ZNF121: variants seen among roughly 807,000 people sequenced by gnomAD.
The protein encoded by ZNF121 is zinc finger protein 121 (clone ZHC32).
Under a neutral mutation model 2.4 loss-of-function variants are expected in ZNF121, and 1 was observed. The observed-to-expected ratio is 0.41, with a 90% CI of 0.15 to 1.94. ZNF121 has a LOEUF of 1.94. Among genes scored for constraint, ZNF121 ranks in the 30% most tolerant of loss-of-function variants. The pLI is 0.30. For missense variants in ZNF121, 369 were observed against 466.3 expected, an observed-to-expected ratio of 0.79 and a Z score of 1.92; for synonymous variants, 173 against 158.6, an observed-to-expected ratio of 1.09 and a Z score of -0.68.
chr19:9,576,617 A>G (rs1470998825), intron 1 of ZNF121, among the ~76,000 whole-genome samples: 2 of 152,296 alleles, frequency 1.3e-5, no homozygotes, highest in Non-Finnish European at 1.5e-5. Flanking sequence ...TCAAAAGGAT[A>G]AAGACCACAG....
At chr19:9,583,565 G>C (rs1217415226) in intron 1 of ZNF121, among the ~76,000 whole-genome samples, 1 of 141,004 alleles carries the variant, frequency 7.1e-6, no homozygotes, top group African/African-American at 2.7e-5. Flanking sequence ...GTGCAGTGGC[G>C]CGATCTCGGC....
intron 1 of ZNF121, among the ~76,000 whole-genome samples, chr19:9,578,980 CA>C (rs746310089): frequency 0.039 from 3,355 of 86,064 alleles, 52 homozygotes; most frequent in Non-Finnish European, 0.052. Context: ...AACTTGATAG[CA>C]AAAAAAAAAA....
In ZNF121 at chr19:9,565,153, T is replaced by C. The variant is rs2074120846; in HGVS notation, c.*787A>G. The C allele has an allele frequency of 1.3e-5, 2 of 151,896 alleles. No homozygotes were observed. Among genetic ancestry groups the C allele is most frequent in the Non-Finnish European group, 2.9e-5 (2 of 68,008 alleles). The allele number at this position is 151,896 out of a possible 1,614,324, so 9.4% of individuals were successfully genotyped here. A position where few individuals can be genotyped will look rare whatever the true frequency, so the allele number is the denominator to read the frequency against. Reference sequence around the variant, plus strand: ...GTAGTCTGGAACAAAACTCACAATATCTACAGGGCATGCCTGTATCTTGTA... The same window carrying C: ...GTAGTCTGGAACAAAACTCACAATACCTACAGGGCATGCCTGTATCTTGTA... On this transcript the variant is annotated 3_prime_UTR_variant, in exon 4 of 4. Transcript: ENST00000320451.
chr19:9,566,865 A>G lies in ZNF121; in HGVS notation c.248T>C (p.Ile83Thr), dbSNP rs1259879455. 6.2e-7 allele frequency: 1 copy of G among 1,614,216 alleles called. No individual in the cohort carries two copies. Among genetic ancestry groups the G allele is most frequent in the Admixed American group, 1.7e-5 (1 of 60,016 alleles). The change falls in exon 4 of 4, where the codon ATA becomes ACA. Residue 83 changes from isoleucine (I) to threonine (T), a missense_variant. Around this residue, in one of 4 missense-constraint regions of ZNF121, gnomAD observed 168 missense variants for 162.3 expected, o/e 1.03. Transcript: ENST00000320451. ...ACTGTATTCAAAGGATTTGTCTCCT[A>G]TCCACGTTCTCTGGTGAACATTTGG... ...LPPNVHQRTW[I>T]GDKSFEYSDC...
rs1027440995 is a variant in ZNF121 at position 9,567,210 on chromosome 19, C to T, written c.4-101G>A. On this transcript the variant is annotated intron_variant, in intron 3 of 3. Transcript: ENST00000320451. Reference sequence around the variant, plus strand: ...CAGTTTATTATGATTATAATTTTTGCCATTTTCATTACATGCATACAGTTG... The same window carrying T: ...CAGTTTATTATGATTATAATTTTTGTCATTTTCATTACATGCATACAGTTG... The T allele has an allele frequency of 1.3e-5, 15 of 1,140,600 alleles. No individual in the cohort carries two copies. The African/African-American group carries it at 2.3e-4, about 18-fold the overall frequency. 70.7% of individuals were successfully genotyped at this position (1,140,600 alleles called of 1,614,324 possible).
rs1336525089 is a variant in ZNF121, at chr19:9,565,866, G to A, written c.*74C>T. On this transcript the variant is annotated 3_prime_UTR_variant, in exon 4 of 4. Transcript: ENST00000320451. ...TACCAATAAAATTTCTCTTCAGTGT[G>A]AATTCAAATGTGGTAATTATGGTAT... is the stretch of plus-strand genomic sequence containing the variant. The A allele has an allele frequency of 8.3e-7, 1 of 1,209,992 alleles. No individual in the cohort carries two copies. Among genetic ancestry groups the A allele is most frequent in the African/African-American group, 1.5e-5 (1 of 64,860 alleles). The allele number at this position is 1,209,992 out of a possible 1,614,324, so 75.0% of individuals were successfully genotyped here. A position where few individuals can be genotyped will look rare whatever the true frequency, so the allele number is the denominator to read the frequency against.
At chr19:9,578,293 C>G (rs1456767763) in intron 1 of ZNF121, among the ~76,000 whole-genome samples, 1 of 151,836 alleles carries the variant, frequency 6.6e-6, no homozygotes, top group East Asian at 1.9e-4. Context: ...ACTAGGGAGG[C>G]TGAGGCAGGA....
chr19:9,571,192 A>T (rs2074171523), intron 1 of ZNF121, among the ~76,000 whole-genome samples: 1 of 152,252 alleles, frequency 6.6e-6, no homozygotes, highest in African/African-American at 2.4e-5. Flanking sequence ...AAAATACCAT[A>T]GAAAATGTAA....
At chr19:9,580,488 GAAAA>G (rs61312088) in intron 1 of ZNF121, among the ~76,000 whole-genome samples, 1 of 131,882 alleles carries the variant, frequency 7.6e-6, no homozygotes, top group Non-Finnish European at 1.7e-5. Context: ...ACTCAAAAAA[GAAAA>G]AAAAAAAAAC....
At chr19:9,569,744 G>T (rs9636201) in intron 1 of ZNF121, among the ~76,000 whole-genome samples, 50,428 of 151,052 alleles carry the variant, frequency 0.33, 9,379 homozygotes, top group East Asian at 0.55. Context: ...CATTGGCCAG[G>T]CTTGTCTTGA....
intron 2 of ZNF121, among the ~76,000 whole-genome samples, chr19:9,568,672 C>T (rs138631852): frequency 1.5e-3 from 229 of 152,038 alleles, no homozygotes; most frequent in African/African-American, 5.3e-3. Context: ...CCATGCCCAG[C>T]AATTTAGTAA....
In ZNF121 at chr19:9,566,860, C is replaced by G; in HGVS notation, c.253G>C (p.Asp85His). The change falls in exon 4 of 4, where the codon GAC (aspartate) becomes CAC (histidine). Residue 85 changes from aspartate (D) to histidine (H), a missense_variant. Transcript: ENST00000320451. ...CAGTCACTGTATTCAAAGGATTTGT[C>G]TCCTATCCACGTTCTCTGGTGAACA... The part of the protein sequence containing the change: ...PNVHQRTWIG[D>H]KSFEYSDCEE... The G allele has an allele frequency of 6.2e-7, 1 of 1,614,178 alleles. No homozygotes were observed. Among genetic ancestry groups the G allele is most frequent in the Non-Finnish European group, 8.5e-7 (1 of 1,180,038 alleles).
chr19:9,560,606 GTTTA>G lies in ZNF121; in HGVS notation c.*5330_*5333del, dbSNP rs2074096076. 1 of 152,154 alleles carries G rather than the reference GTTTA, an allele frequency of 6.6e-6. No homozygotes were observed. The highest frequency in any genetic ancestry group is 1.5e-5 in the Non-Finnish European group (1 of 68,028). The allele number at this position is 152,154 out of a possible 1,614,324, so 9.4% of individuals were successfully genotyped here. A position where few individuals can be genotyped will look rare whatever the true frequency, so the allele number is the denominator to read the frequency against. On this transcript the variant is annotated 3_prime_UTR_variant, in exon 4 of 4. Coordinates refer to ENST00000320451, the MANE Select transcript of ZNF121 (RefSeq NM_001008727.5). ...GGGTGTATTTGTCCTTTCGGAACTG[GTTTA>G]TTTCACTTAGCATAACGTCCATGTT...
At chr19:9,568,044 T>C (rs551157677) in intron 3 of ZNF121, 51 bp downstream of exon 3, 4 of 1,517,912 alleles carry the variant, frequency 2.6e-6, no homozygotes, top group African/African-American at 3.0e-5. Flanking sequence ...TTTTTTATAA[T>C]TGAATCCCAA....
chr19:9,576,171 A>T (rs938598362), intron 1 of ZNF121, among the ~76,000 whole-genome samples: 3 of 152,184 alleles, frequency 2.0e-5, no homozygotes, highest in Non-Finnish European at 4.4e-5. Context: ...CCACAAGGGA[A>T]TAAAACTAGA....
rs1212494320 is a variant in ZNF121 at position 9,563,155 on chromosome 19, C to T, written c.*2785G>A. On this transcript the variant is annotated 3_prime_UTR_variant, in exon 4 of 4. Coordinates refer to ENST00000320451, the MANE Select transcript of ZNF121 (RefSeq NM_001008727.5). ...AAGTTCTTGAAGGAAACTAAAAGTG[C>T]TACTCCAGTGAACACACACATAATA... 6.6e-6 allele frequency: 1 copy of T among 151,164 alleles called. No individual in the cohort carries two copies. Among genetic ancestry groups the T allele is most frequent in the Non-Finnish European group, 1.5e-5 (1 of 67,920 alleles). 9.4% of individuals were successfully genotyped at this position (151,164 alleles called of 1,614,324 possible). A position where few individuals can be genotyped will look rare whatever the true frequency, so the allele number is the denominator to read the frequency against.
rs1426772689 is a variant in ZNF121, at chr19:9,561,221, A to G, written c.*4719T>C. 1.3e-5 allele frequency: 2 copies of G among 152,310 alleles called. No homozygotes were observed. Among genetic ancestry groups the G allele is most frequent in the Admixed American group, 6.5e-5 (1 of 15,286 alleles). The allele number at this position is 152,310 out of a possible 1,614,324, so 9.4% of individuals were successfully genotyped here. On this transcript the variant is annotated 3_prime_UTR_variant, in exon 4 of 4. Coordinates refer to ENST00000320451, the MANE Select transcript of ZNF121 (RefSeq NM_001008727.5). Reference sequence around the variant, plus strand: ...GAGAAGACCTAAAAGCCAGGGCACTATTACCTAGGAACACCTCCCTACACA... The same window carrying G: ...GAGAAGACCTAAAAGCCAGGGCACTGTTACCTAGGAACACCTCCCTACACA...
chr19:9,574,744 A>C (rs146477961), intron 1 of ZNF121, among the ~76,000 whole-genome samples: 4,066 of 152,326 alleles, frequency 0.027, 183 homozygotes, highest in African/African-American at 0.092. Flanking sequence ...GGAACAGGCT[A>C]TGACCTAATG....
chr19:9,573,502 A>C (rs1376917771), intron 1 of ZNF121, among the ~76,000 whole-genome samples: 1 of 152,234 alleles, frequency 6.6e-6, no homozygotes, highest in Non-Finnish European at 1.5e-5. Flanking sequence ...CAAGATGCAG[A>C]AAATTACCTT....
Sources: allele counts gnomAD v4.1 joint callset (sites outside exome capture counted in the v4.1 genomes callset), GRCh38; gene constraint gnomAD v4.1.1; regional missense constraint gnomAD v4.1.1; transcripts MANE v1.5; gene names NCBI Gene and HGNC (gene_info 2026-07-23, HGNC 2026-07-21).